The following CUL5 variants were observed in gnomAD, a reference collection of about 807,000 sequenced individuals.
CUL5 encodes the protein cullin-5.
A neutral mutation model predicts 108.8 loss-of-function variants in CUL5; 26 were observed. That is an observed-to-expected ratio of 0.24 (90% CI 0.18 to 0.33). The LOEUF is 0.33. Ranked by LOEUF, CUL5 falls within the 10% of genes least tolerant of loss-of-function variation. The pLI, the probability that CUL5 is intolerant of heterozygous loss-of-function variation, is 1.00. For synonymous variants in CUL5, 334 were observed against 298.0 expected (o/e 1.12, Z -1.25); for missense variants, 524 against 909.2 (o/e 0.58, Z 5.45).
At chr11:108,042,864 G>A (rs1198338347) in intron 2 of CUL5, among the ~76,000 whole-genome samples, 1 of 151,806 alleles carries the variant, frequency 6.6e-6, no homozygotes, top group Non-Finnish European at 1.5e-5. Context: ...CAGGGTTCAA[G>A]CGATTCCCTT....
In CUL5 at chr11:108,095,010, A is replaced by G. The variant is rs746820798; in HGVS notation, c.1743+23A>G. 3.2e-6 allele frequency: 5 copies of G among 1,573,408 alleles called. No individual in the cohort carries two copies. The African/African-American group carries it at 6.8e-5, about 21-fold the overall frequency. On this transcript the variant is annotated intron_variant, in intron 15 of 18. Coordinates refer to ENST00000393094, the MANE Select transcript of CUL5 (RefSeq NM_003478.6). ...ATTGTAAGTAGATAGTGTGTTAGTT[A>G]TTTCAGCTTTCAGTTTGGATGAAAG...
At chr11:108,058,245 CTTTTTTTTTT>C (rs771714382) in intron 7 of CUL5, among the ~76,000 whole-genome samples, 6 of 100,120 alleles carry the variant, frequency 6.0e-5, no homozygotes, top group East Asian at 7.2e-4. Context: ...TGAAGAGTGC[CTTTTTTTTTT>C]TTTTTTTTTT....
At chr11:108,032,815 T>A (rs1287648475) in intron 1 of CUL5, among the ~76,000 whole-genome samples, 1 of 152,120 alleles carries the variant, frequency 6.6e-6, no homozygotes, top group Non-Finnish European at 1.5e-5. Context: ...AGTGTCAGGG[T>A]TTTTTGTTAG....
intron 7 of CUL5, among the ~76,000 whole-genome samples, chr11:108,068,595 T>A (rs920652892): frequency 4.6e-5 from 7 of 152,326 alleles, no homozygotes; most frequent in East Asian, 3.9e-4. Context: ...TAATAAAAAA[T>A]TTTTAAGGGA....
intron 16 of CUL5, 80 bp from the exon 17 acceptor site, chr11:108,097,556 A>G (rs906881018): frequency 9.3e-6 from 7 of 755,604 alleles, no homozygotes; most frequent in Admixed American, 4.4e-5. Context: ...TTTCTTGCCT[A>G]TGTTGATTAT....
chr11:108,073,782 A>G (rs1565258997), intron 10 of CUL5: 1 of 179,200 alleles, frequency 5.6e-6, no homozygotes, highest in Non-Finnish European at 1.2e-5. Context: ...TTGAATTCCT[A>G]TTCATCCTTC....
chr11:108,100,508 C>T (rs1864631426), intron 18 of CUL5, among the ~76,000 whole-genome samples: 1 of 152,092 alleles, frequency 6.6e-6, no homozygotes, highest in Non-Finnish European at 1.5e-5. Flanking sequence ...TGCGCCACTG[C>T]ACTCCAGCTT....
chr11:108,035,516 C>T (rs559930595), intron 2 of CUL5, among the ~76,000 whole-genome samples: 15 of 151,660 alleles, frequency 9.9e-5, no homozygotes, highest in East Asian at 9.7e-4. Context: ...ACAGGGTGAT[C>T]GCTTGAGCCC....
Position 108,041,140 on chromosome 11 carries a change from C to G in CUL5, c.135-5130C>G, listed in dbSNP as rs188075769. Among the ~76,000 whole-genome samples, 787 of 152,266 alleles carry G rather than the reference C, an allele frequency of 5.2e-3. 4 individuals are homozygous for G. Among genetic ancestry groups the G allele is most frequent in the Non-Finnish European group, 9.5e-3 (643 of 68,012 alleles). On this transcript the variant is annotated intron_variant, in intron 2 of 18. Coordinates refer to ENST00000393094, the MANE Select transcript of CUL5 (RefSeq NM_003478.6). ...AACCTTTCTTAGAACTGTGCTGATT[C>G]TTACTGCTCAAGCTTCCTTTCTTGT...
In CUL5 at chr11:108,100,893, G is replaced by A. The variant is rs12286340; in HGVS notation, c.2148+2364G>A. On this transcript the variant is annotated intron_variant, in intron 18 of 18. Transcript: ENST00000393094. Reference sequence around the variant, plus strand: ...AAATACAAAAAACTAGCCAGGTGTAGTGGTGCATGCCTGTGGTCCCAGCTA... The same window carrying A: ...AAATACAAAAAACTAGCCAGGTGTAATGGTGCATGCCTGTGGTCCCAGCTA... 9.0e-3 allele frequency among the ~76,000 whole-genome samples: 1,369 copies of A among 152,250 alleles called. 19 individuals carry two copies. Among genetic ancestry groups the A allele is most frequent in the African/African-American group, 0.031 (1,305 of 41,530 alleles).
intron 10 of CUL5, chr11:108,073,702 TTTAG>T (rs1393387928): frequency 6.3e-6 from 2 of 319,158 alleles, no homozygotes; most frequent in Non-Finnish European, 1.1e-5. Flanking sequence ...TGAATTAGAA[TTTAG>T]TTAGAAAGTT....
intron 13 of CUL5, among the ~76,000 whole-genome samples, chr11:108,092,083 G>T (rs545873870): frequency 6.6e-6 from 1 of 152,274 alleles, no homozygotes; most frequent in South Asian, 2.1e-4. Context: ...GTTGTAATGA[G>T]CTGAGATTGT....
chr11:108,038,377 C>G (rs1440087415), intron 2 of CUL5, among the ~76,000 whole-genome samples: 1 of 152,046 alleles, frequency 6.6e-6, no homozygotes, highest in African/African-American at 2.4e-5. Flanking sequence ...CAGTTAGTGG[C>G]CTCAACATGA....
intron 1 of CUL5, among the ~76,000 whole-genome samples, chr11:108,014,160 GAAAGTGTTGGAGCTGGATTTTGAAT>G (rs1284849282): frequency 2.6e-5 from 4 of 152,312 alleles, no homozygotes; most frequent in African/African-American, 4.8e-5. Flanking sequence ...ATTTTATGGA[GAAAGTGTTGGAGCTGGATTTTGAAT>G]AAAGTGTTGG....
chr11:108,102,770 T>A (rs1864704159), intron 18 of CUL5, among the ~76,000 whole-genome samples: 9 of 152,204 alleles, frequency 5.9e-5, no homozygotes, highest in Admixed American at 5.9e-4. Context: ...TATTTTGACA[T>A]TTCTTTTACA....
At position 108,072,372 on chromosome 11, in the gene CUL5, T is replaced by C. The variant is rs199960553; in HGVS notation, c.915T>C (p.Asn305=). The C allele has an allele frequency of 2.2e-5, 35 of 1,610,290 alleles. 1 individual carries two copies. The African/African-American group carries it at 4.5e-4, about 21-fold the overall frequency. ...TTTCATTGATGGACAAAGTTCCTAA[T>C]GGTATAGAGCCAATGTTGAAAGACT... ...LMFSLMDKVP[N]GIEPMLKDLE... is the part of the protein sequence containing the mutation. Residue 305 remains asparagine, a synonymous_variant, in exon 9 of 19, where the codon AAT becomes AAC. Coordinates refer to ENST00000393094, the MANE Select transcript of CUL5 (RefSeq NM_003478.6).
chr11:108,094,341 T>C (rs1480846847), intron 13 of CUL5, 50 bp from the exon 14 acceptor site: 15 of 1,357,140 alleles, frequency 1.1e-5, no homozygotes, highest in African/African-American at 3.0e-5. Flanking sequence ...CCCAGTAATA[T>C]ATCAGATTAT....
At chr11:108,054,828 A>C (rs1277491057) in intron 6 of CUL5, 36 bp downstream of exon 6, 3 of 1,602,002 alleles carry the variant, frequency 1.9e-6, no homozygotes, top group Non-Finnish European at 2.6e-6. Context: ...TAATTTGAGC[A>C]ATTCCCTTGA....
At chr11:108,033,218 T>C (rs958089044) in intron 1 of CUL5, among the ~76,000 whole-genome samples, 1 of 152,216 alleles carries the variant, frequency 6.6e-6, no homozygotes, top group Admixed American at 6.5e-5. Context: ...CATCAATGTA[T>C]GACAGTATGC....
Sources: allele counts gnomAD v4.1 joint callset (sites outside exome capture counted in the v4.1 genomes callset), GRCh38; gene constraint gnomAD v4.1.1; transcripts MANE v1.5; gene names NCBI Gene and HGNC (gene_info 2026-07-23, HGNC 2026-07-21).